The following DACH2 variants were observed in gnomAD, a reference collection of about 807,000 sequenced individuals.
DACH2 encodes the protein dachshund homolog 2.
Under a neutral mutation model 35.8 loss-of-function variants are expected in DACH2, and 17 were observed. That is an observed-to-expected ratio of 0.48 (90% CI 0.33 to 0.71). The LOEUF is 0.71. DACH2 is among the 30% of genes least tolerant of loss of function. The pLI is 0.02. For synonymous variants in DACH2, 195 were observed against 177.3 expected (o/e 1.10, Z -0.79); for missense variants, 469 against 472.7 (o/e 0.99, Z 0.07).
intron 2 of DACH2, among the ~76,000 whole-genome samples, chrX:86,417,844 C>T (rs187248301): frequency 1.7e-3 from 185 of 111,537 alleles, no homozygotes; most frequent in African/African-American, 5.7e-3. Context: ...GTCCATAGTT[C>T]AATGTCTCAT....
chrX:86,290,354 T>G (rs1285210166), intron 1 of DACH2, among the ~76,000 whole-genome samples: 2 of 67,219 alleles, frequency 3.0e-5, no homozygotes, highest in Non-Finnish European at 2.8e-5. Context: ...TGCAAAAATT[T>G]TCTCCCATTT....
At chrX:86,677,864 C>T (rs760592624) in intron 4 of DACH2, among the ~76,000 whole-genome samples, 1 of 111,882 alleles carries the variant, frequency 8.9e-6, no homozygotes, top group African/African-American at 3.2e-5. Context: ...TCATTTCTTC[C>T]CAATTATACC....
intron 5 of DACH2, among the ~76,000 whole-genome samples, chrX:86,698,372 G>T (rs192091129): frequency 3.7e-5 from 4 of 108,637 alleles, no homozygotes; most frequent in South Asian, 3.9e-4. Context: ...GACCTGCATC[G>T]CAAGAAACAT....
At chrX:86,803,477 T>A (rs2042313945) in intron 7 of DACH2, among the ~76,000 whole-genome samples, 1 of 111,593 alleles carries the variant, frequency 9.0e-6, no homozygotes, top group Non-Finnish European at 1.9e-5. Flanking sequence ...TCCCCTTTCT[T>A]CCTTCATTCT....
intron 3 of DACH2, among the ~76,000 whole-genome samples, chrX:86,556,795 T>TATATAGAGAGAG (rs1232719385): frequency 4.7e-4 from 12 of 25,288 alleles, no homozygotes; most frequent in Non-Finnish European, 7.6e-4. Flanking sequence ...TATATATATA[T>TATATAGAGAGAG]AGAGAGAGAG....
At chrX:86,688,195 ATTC>A (rs1309899289) in intron 4 of DACH2, among the ~76,000 whole-genome samples, 4 of 112,136 alleles carry the variant, frequency 3.6e-5, no homozygotes, top group African/African-American at 1.3e-4. Context: ...CAACCAAGGT[ATTC>A]TTTTCTTTCT....
In DACH2 at chrX:86,610,724, T is replaced by C. The variant is rs1294284702; in HGVS notation, c.641-40312T>C. On this transcript the variant is annotated intron_variant, in intron 3 of 11. Transcript: ENST00000373125. ...CAGCCTCACAATTGCTGGGATTACA[T>C]GTGTGAGCCACCATGCCTAGTCGCC... Among the ~76,000 whole-genome samples, 8 of 110,623 alleles carry C rather than the reference T, an allele frequency of 7.2e-5. No individual in the cohort carries two copies. The East Asian group carries it at 2.3e-3, about 32-fold the overall frequency.
At chrX:86,200,033 G>T (rs1336867827) in intron 1 of DACH2, among the ~76,000 whole-genome samples, 1 of 111,737 alleles carries the variant, frequency 8.9e-6, no homozygotes, top group Non-Finnish European at 1.9e-5. Context: ...CATGGTACTT[G>T]ACTTCAGACT....
intron 1 of DACH2, chrX:86,160,818 G>A: frequency 2.1e-6 from 1 of 486,908 alleles, no homozygotes. Flanking sequence ...TGCAGCAAAG[G>A]AGACCACCAT....
intron 1 of DACH2, among the ~76,000 whole-genome samples, chrX:86,206,854 T>A (rs1299753727): frequency 8.9e-6 from 1 of 112,184 alleles, no homozygotes; most frequent in East Asian, 2.8e-4. Context: ...CCGAAGAGGC[T>A]AATGCACTTT....
At chrX:86,322,216 T>A (rs968250492) in intron 1 of DACH2, among the ~76,000 whole-genome samples, 1 of 111,336 alleles carries the variant, frequency 9.0e-6, no homozygotes, top group Admixed American at 9.5e-5. Flanking sequence ...CTAGGTTTGT[T>A]CATTCCCAAG....
chrX:86,800,002 A>G lies in DACH2; in HGVS notation c.1241-12854A>G, dbSNP rs959509422. Among the ~76,000 whole-genome samples the G allele has an allele frequency of 4.5e-5, 5 of 111,928 alleles. No homozygotes were observed. In the Admixed American group the frequency reaches 4.8e-4, roughly 11 times the overall value. On this transcript the variant is annotated intron_variant, in intron 7 of 11. Transcript: ENST00000373125. Reference sequence around the variant, plus strand: ...GGGTCACTGTGTAACATCCCAACACAGAGAGACATTCAGTAATGTTTATTG... The same window carrying G: ...GGGTCACTGTGTAACATCCCAACACGGAGAGACATTCAGTAATGTTTATTG...
chrX:86,262,641 CA>C (rs34823649), intron 1 of DACH2, among the ~76,000 whole-genome samples: 89 of 102,335 alleles, frequency 8.7e-4, no homozygotes, highest in Admixed American at 4.3e-3. Flanking sequence ...TAATCTGCTC[CA>C]AAAAAAAAAA....
intron 4 of DACH2, among the ~76,000 whole-genome samples, chrX:86,676,578 C>G (rs1041435151): frequency 9.0e-6 from 1 of 111,573 alleles, no homozygotes; most frequent in Non-Finnish European, 1.9e-5. Flanking sequence ...GATTGAGGAA[C>G]TGAATTTTTC....
In DACH2 at chrX:86,783,765, T is replaced by C. The variant is rs1276697874; in HGVS notation, c.1241-29091T>C. ...GTCAAACATAGCATATTCTCACTTA[T>C]TTTGGGGATCTAAAGATCAAAACAA... On this transcript the variant is annotated intron_variant, in intron 7 of 11. Transcript: ENST00000373125. Among the ~76,000 whole-genome samples the C allele has an allele frequency of 2.7e-5, 3 of 111,464 alleles. No homozygotes were observed. The Admixed American group carries it at 2.9e-4, about 11-fold the overall frequency.
chrX:86,796,092 CTGCTGATGGGTCCATTTTACAGAG>C (rs2042235337), intron 7 of DACH2, among the ~76,000 whole-genome samples: 1 of 111,925 alleles, frequency 8.9e-6, no homozygotes, highest in Admixed American at 9.5e-5. Context: ...TGCTCACATT[CTGCTGATGGGTCCATTTTACAGAG>C]TGCTGATTGG....
intron 3 of DACH2, among the ~76,000 whole-genome samples, chrX:86,543,241 G>T (rs1177788529): frequency 1.8e-5 from 2 of 111,721 alleles, no homozygotes; most frequent in Non-Finnish European, 3.8e-5. Context: ...CTGACTCCTA[G>T]GGAAGGAAAT....
At chrX:86,327,223 C>A (rs765738849) in intron 1 of DACH2, among the ~76,000 whole-genome samples, 1 of 112,011 alleles carries the variant, frequency 8.9e-6, no homozygotes, top group South Asian at 3.7e-4. Flanking sequence ...TCAGTTGTCA[C>A]TATGAAATAT....
intron 2 of DACH2, among the ~76,000 whole-genome samples, chrX:86,505,542 T>G (rs1039747824): frequency 3.6e-5 from 4 of 112,159 alleles, no homozygotes; most frequent in African/African-American, 1.3e-4. Flanking sequence ...GGTATTTGTC[T>G]TATTGTGACT....
Sources: gnomAD v4.1 joint callset for allele counts (sites outside exome capture counted in the v4.1 genomes callset) on GRCh38, gnomAD v4.1.1 for gene constraint, MANE v1.5 for transcripts, NCBI Gene and HGNC (gene_info 2026-07-23, HGNC 2026-07-21) for gene names.